Variants in DPP10 observed in about 807,000 individuals in gnomAD.
The protein encoded by DPP10 is inactive dipeptidyl peptidase 10.
A neutral mutation model predicts 120.9 loss-of-function variants in DPP10; 33 were observed. The ratio of observed to expected loss-of-function variants is 0.27; its 90% CI spans 0.21 to 0.37. The LOEUF (loss-of-function observed/expected upper bound fraction) is 0.37. Among genes scored for constraint, DPP10 ranks in the 10% least tolerant of loss-of-function variants. The pLI, the probability that DPP10 is intolerant of heterozygous loss-of-function variation, is 1.00. For synonymous variants in DPP10, 337 were observed against 326.1 expected, an observed-to-expected ratio of 1.03 and a Z score of -0.36; for missense variants, 816 against 942.8, an observed-to-expected ratio of 0.87 and a Z score of 1.76.
At chr2:114,751,253 T>A (rs1002544459) in intron 1 of DPP10, among the ~76,000 whole-genome samples, 2 of 152,238 alleles carry the variant, frequency 1.3e-5, no homozygotes, top group African/African-American at 4.8e-5. Context: ...TTTTAATAAG[T>A]AATCAAACTA....
At chr2:114,699,125 C>T (rs1700236366) in intron 1 of DPP10, among the ~76,000 whole-genome samples, 1 of 152,074 alleles carries the variant, frequency 6.6e-6, no homozygotes, top group Non-Finnish European at 1.5e-5. Context: ...AAACTACAAA[C>T]CATTAAATGG....
chr2:114,653,027 A>AGAGAGTGTGTGTGTGTGT (rs1553476958), intron 1 of DPP10, among the ~76,000 whole-genome samples: 2 of 135,774 alleles, frequency 1.5e-5, no homozygotes, highest in African/African-American at 6.2e-5. Flanking sequence ...AGAGAGAGAG[A>AGAGAGTGTGTGTGTGTGT]GTGTGTGTGT....
At chr2:114,817,469 A>T (rs1685735154) in intron 1 of DPP10, among the ~76,000 whole-genome samples, 1 of 152,200 alleles carries the variant, frequency 6.6e-6, no homozygotes, top group African/African-American at 2.4e-5. Context: ...TGTAGGCTAG[A>T]AGTCTTAGGG....
intron 1 of DPP10, among the ~76,000 whole-genome samples, chr2:114,475,411 T>G (rs1680289073): frequency 1.3e-5 from 2 of 152,198 alleles, no homozygotes; most frequent in African/African-American, 4.8e-5. Flanking sequence ...AGTATCAAGC[T>G]TTGTCATTTT....
At chr2:115,458,173 T>C (rs1025197196) in intron 3 of DPP10, among the ~76,000 whole-genome samples, 4 of 152,232 alleles carry the variant, frequency 2.6e-5, no homozygotes, top group Admixed American at 6.5e-5. Context: ...TTTTAAGATA[T>C]GAACATTACA....
intron 1 of DPP10, among the ~76,000 whole-genome samples, chr2:115,216,484 A>T (rs1305689492): frequency 6.6e-6 from 1 of 152,076 alleles, no homozygotes; most frequent in Non-Finnish European, 1.5e-5. Context: ...AACTTAGCAT[A>T]ATCAAAAACT....
At chr2:115,813,220 A>T (rs1217952018) in intron 19 of DPP10, among the ~76,000 whole-genome samples, 1 of 146,602 alleles carries the variant, frequency 6.8e-6, no homozygotes, top group Non-Finnish European at 1.5e-5. Flanking sequence ...TGACCTCATG[A>T]TCCACCCGCC....
chr2:115,210,534 A>G (rs185668829), intron 1 of DPP10, among the ~76,000 whole-genome samples: 8 of 152,270 alleles, frequency 5.3e-5, no homozygotes, highest in Admixed American at 4.6e-4. Flanking sequence ...GTGTATACCT[A>G]GTAAGGGGAT....
intron 5 of DPP10, among the ~76,000 whole-genome samples, chr2:115,581,481 A>G (rs1370500620): frequency 1.3e-5 from 2 of 152,092 alleles, no homozygotes; most frequent in African/African-American, 2.4e-5. Context: ...AAGGTTCCCA[A>G]TCTCTGACCT....
At chr2:114,477,460 T>C (rs1274028676) in intron 1 of DPP10, among the ~76,000 whole-genome samples, 1 of 151,848 alleles carries the variant, frequency 6.6e-6, no homozygotes, top group Non-Finnish European at 1.5e-5. Context: ...TATATATTTA[T>C]GCACACATAT....
chr2:114,976,315 C>A (rs62167708), intron 1 of DPP10, among the ~76,000 whole-genome samples: 20,432 of 151,924 alleles, frequency 0.13, 1,499 homozygotes, highest in Non-Finnish European at 0.15. Context: ...TATAATTTTT[C>A]TATTATTTTG....
intron 3 of DPP10, among the ~76,000 whole-genome samples, chr2:115,402,631 T>C (rs2068153413): frequency 6.8e-6 from 1 of 146,972 alleles, no homozygotes; most frequent in African/African-American, 2.5e-5. Flanking sequence ...ACACAGAGAC[T>C]GAATCAGTTT....
intron 3 of DPP10, among the ~76,000 whole-genome samples, chr2:115,431,189 T>C (rs2070943519): frequency 6.6e-6 from 1 of 152,214 alleles, no homozygotes; most frequent in Non-Finnish European, 1.5e-5. Flanking sequence ...CAGTTTGTCC[T>C]GACCAGAGAT....
intron 1 of DPP10, among the ~76,000 whole-genome samples, chr2:115,090,493 T>C (rs1228350110): frequency 6.6e-6 from 1 of 152,134 alleles, no homozygotes; most frequent in African/African-American, 2.4e-5. Context: ...CTCGGGACAG[T>C]CTAAAATTCC....
intron 1 of DPP10, among the ~76,000 whole-genome samples, chr2:114,649,094 A>G (rs1226593619): frequency 1.3e-5 from 2 of 152,164 alleles, no homozygotes; most frequent in South Asian, 2.1e-4. Context: ...ATTTCTGTCT[A>G]TTTTCCAGTA....
chr2:114,643,933 A>ATT (rs1220069237), intron 1 of DPP10, among the ~76,000 whole-genome samples: 18 of 133,836 alleles, frequency 1.3e-4, no homozygotes, highest in African/African-American at 2.7e-4. Flanking sequence ...ATATATATAT[A>ATT]TATTTTTTTT....
At chr2:115,711,915 GGTTTTTTT>G (rs2092329772) in intron 7 of DPP10, among the ~76,000 whole-genome samples, 1 of 96,986 alleles carries the variant, frequency 1.0e-5, no homozygotes, top group African/African-American at 4.2e-5. Context: ...AAAATGGTCT[GGTTTTTTT>G]TTTTTTTTTT....
intron 1 of DPP10, among the ~76,000 whole-genome samples, chr2:115,122,715 T>G (rs574023492): frequency 2.0e-5 from 3 of 152,156 alleles, no homozygotes; most frequent in African/African-American, 7.2e-5. Context: ...AACAGGAGAA[T>G]AGGCAGTGCA....
intron 3 of DPP10, among the ~76,000 whole-genome samples, chr2:115,364,263 G>T (rs964917621): frequency 6.6e-6 from 1 of 152,006 alleles, no homozygotes; most frequent in South Asian, 2.1e-4. Context: ...GTAGATGGGG[G>T]TGGTTAGAGT....
Sources: allele counts gnomAD v4.1 joint callset (sites outside exome capture counted in the v4.1 genomes callset), GRCh38; gene constraint gnomAD v4.1.1; transcripts MANE v1.5; gene names NCBI Gene and HGNC (gene_info 2026-07-23, HGNC 2026-07-21).